PTPRG: variants seen among roughly 807,000 people sequenced by gnomAD.
PTPRG encodes the protein receptor-type tyrosine-protein phosphatase gamma.
A neutral mutation model predicts 165.3 loss-of-function variants in PTPRG; 102 were observed. That is an observed-to-expected ratio of 0.62 (90% CI 0.53 to 0.73). The LOEUF is 0.73. Ranked by LOEUF, PTPRG falls within the 30% of genes least tolerant of loss-of-function variation. The probability of loss-of-function intolerance (pLI) is 0.00; values close to 1 mark genes in which losing one functional copy is unlikely to be tolerated. For missense variants in PTPRG, 1,866 were observed against 1,861.4 expected (o/e 1.00, Z -0.05); for synonymous variants, 675 against 669.5 (o/e 1.01, Z -0.13).
intron 1 of PTPRG, among the ~76,000 whole-genome samples, chr3:61,686,287 G>A (rs1703630050): frequency 6.6e-6 from 1 of 152,206 alleles, no homozygotes. Context: ...GTGACAGATA[G>A]AGCTGGAGCT....
chr3:61,799,857 A>G (rs942064156), intron 2 of PTPRG, among the ~76,000 whole-genome samples: 1 of 152,138 alleles, frequency 6.6e-6, no homozygotes, highest in African/African-American at 2.4e-5. Flanking sequence ...TTTCCCCAGA[A>G]CAGTAAGTGT....
intron 2 of PTPRG, among the ~76,000 whole-genome samples, chr3:61,840,648 A>G (rs375445878): frequency 2.6e-5 from 4 of 152,260 alleles, no homozygotes; most frequent in East Asian, 1.9e-4. Flanking sequence ...GGGTGGGTAC[A>G]TGGGACAGAG....
chr3:62,234,764 A>G lies in PTPRG; in HGVS notation c.2375+3453A>G, dbSNP rs74834509. 9.0e-3 allele frequency among the ~76,000 whole-genome samples: 1,374 copies of G among 152,222 alleles called. 4 individuals carry two copies. The highest frequency in any genetic ancestry group is 0.014 in the Non-Finnish European group (974 of 68,006). ...TTTATGGTTCTTCTTTGATGTTTAT[A>G]TAATCAGATTTATCTATATTTTCTG... On this transcript the variant is annotated intron_variant, in intron 14 of 29. Transcript: ENST00000474889.
Position 61,989,607 on chromosome 3 carries a change from G to A in PTPRG, c.191-18G>A, listed in dbSNP as rs1402317846. Reference sequence around the variant, plus strand: ...ACCCTTGAACCATGAGGATTGAAGTGTTGTCTTCTTTCAACAGGTGCCTAT... The same window carrying A: ...ACCCTTGAACCATGAGGATTGAAGTATTGTCTTCTTTCAACAGGTGCCTAT... On this transcript the variant is annotated intron_variant, in intron 2 of 29. Transcript: ENST00000474889. 2 of 1,609,664 alleles carry A rather than the reference G, an allele frequency of 1.2e-6. No homozygotes were observed. Among genetic ancestry groups the A allele is most frequent in the Non-Finnish European group, 1.7e-6 (2 of 1,178,034 alleles).
chr3:61,637,648 GTAGACT>G (rs1356744233), intron 1 of PTPRG, among the ~76,000 whole-genome samples: 4 of 152,184 alleles, frequency 2.6e-5, no homozygotes, highest in African/African-American at 9.6e-5. Context: ...TGCGGGAACT[GTAGACT>G]TCTTAGGAGT....
intron 4 of PTPRG, among the ~76,000 whole-genome samples, chr3:62,028,035 G>A (rs574908873): frequency 1.3e-5 from 2 of 152,166 alleles, no homozygotes; most frequent in African/African-American, 4.8e-5. Context: ...TTTAAGGCTT[G>A]AAAAATGTTC....
At chr3:61,990,870 G>A (rs552943511) in intron 3 of PTPRG, among the ~76,000 whole-genome samples, 1 of 148,004 alleles carries the variant, frequency 6.8e-6, no homozygotes, top group South Asian at 2.2e-4. Flanking sequence ...GCCCTTTGGT[G>A]CTATTCATGT....
At chr3:61,990,490 A>G (rs774134581) in intron 3 of PTPRG, among the ~76,000 whole-genome samples, 15 of 152,158 alleles carry the variant, frequency 9.9e-5, no homozygotes, top group Non-Finnish European at 1.6e-4. Context: ...TCTTTTTACC[A>G]TTGCTAATGC....
intron 2 of PTPRG, among the ~76,000 whole-genome samples, chr3:61,755,342 C>T (rs1437556569): frequency 2.0e-5 from 3 of 152,150 alleles, no homozygotes; most frequent in African/African-American, 4.8e-5. Flanking sequence ...GGAACCACAC[C>T]ACTGAGGAGG....
chr3:61,841,517 T>A (rs1216363596), intron 2 of PTPRG, among the ~76,000 whole-genome samples: 1 of 152,242 alleles, frequency 6.6e-6, no homozygotes, highest in Non-Finnish European at 1.5e-5. Flanking sequence ...TTTTCAAACC[T>A]TTTTATTGAA....
intron 6 of PTPRG, among the ~76,000 whole-genome samples, chr3:62,147,573 A>G (rs887562892): frequency 6.6e-6 from 1 of 152,142 alleles, no homozygotes; most frequent in African/African-American, 2.4e-5. Flanking sequence ...TGTTTCCTTT[A>G]TTAGTGGTAT....
At position 62,133,548 on chromosome 3, in the gene PTPRG, C is replaced by T. The variant is rs185949819; in HGVS notation, c.682+880C>T. Among the ~76,000 whole-genome samples, 61 of 152,260 alleles carry T rather than the reference C, an allele frequency of 4.0e-4. No individual in the cohort carries two copies. The Middle Eastern group carries it at 0.017, about 42-fold the overall frequency. ...TTTCCGTGAAACTAAAACCAGTTGT[C>T]AGGGGTCAATTGGAGCAAGTAGGAT... is the stretch of plus-strand genomic sequence containing the variant. On this transcript the variant is annotated intron_variant, in intron 6 of 29. Coordinates refer to ENST00000474889, the MANE Select transcript of PTPRG (RefSeq NM_002841.4).
intron 15 of PTPRG, among the ~76,000 whole-genome samples, chr3:62,244,558 C>T (rs934278235): frequency 2.0e-5 from 3 of 152,086 alleles, no homozygotes; most frequent in Non-Finnish European, 2.9e-5. Context: ...CTTCCAAATA[C>T]GTATCTTCAG....
intron 2 of PTPRG, among the ~76,000 whole-genome samples, chr3:61,911,652 C>G (rs1157620481): frequency 6.6e-6 from 1 of 151,942 alleles, no homozygotes; most frequent in Admixed American, 6.6e-5. Context: ...GATTGTTTCC[C>G]CATTTTGAAG....
intron 6 of PTPRG, among the ~76,000 whole-genome samples, chr3:62,137,361 G>A (rs904383012): frequency 4.6e-5 from 7 of 152,028 alleles, no homozygotes; most frequent in African/African-American, 1.7e-4. Flanking sequence ...TTTGTGAATC[G>A]GTGTAAAAAT....
intron 2 of PTPRG, among the ~76,000 whole-genome samples, chr3:61,764,546 G>A (rs1383553387): frequency 2.6e-5 from 4 of 152,078 alleles, no homozygotes; most frequent in Non-Finnish European, 4.4e-5. Context: ...GAGGGATTTA[G>A]GGGAGAGAGT....
chr3:61,824,041 A>G (rs191859528), intron 2 of PTPRG, among the ~76,000 whole-genome samples: 1 of 151,982 alleles, frequency 6.6e-6, no homozygotes, highest in East Asian at 1.9e-4. Context: ...GGAGAATGGC[A>G]TGAACCTGGG....
intron 1 of PTPRG, among the ~76,000 whole-genome samples, chr3:61,575,456 G>C (rs1481994725): frequency 6.6e-6 from 1 of 152,022 alleles, no homozygotes; most frequent in Non-Finnish European, 1.5e-5. Context: ...TTTGTCCTTT[G>C]CTAACTTTGG....
At chr3:61,564,842 C>T (rs1699867424) in intron 1 of PTPRG, among the ~76,000 whole-genome samples, 1 of 152,182 alleles carries the variant, frequency 6.6e-6, no homozygotes, top group Non-Finnish European at 1.5e-5. Context: ...GCTGCAGACG[C>T]GCCTTGGCGC....
Sources: allele counts gnomAD v4.1 joint callset (sites outside exome capture counted in the v4.1 genomes callset), GRCh38; gene constraint gnomAD v4.1.1; transcripts MANE v1.5; gene names NCBI Gene and HGNC (gene_info 2026-07-23, HGNC 2026-07-21).